Variants in NOC3L observed in about 807,000 individuals in gnomAD.
The protein encoded by NOC3L is NOC3 like DNA replication regulator, also known as nucleolar complex protein 3 homolog.
A neutral mutation model predicts 102.5 loss-of-function variants in NOC3L; 85 were observed. The ratio of observed to expected loss-of-function variants is 0.83; its 90% CI spans 0.70 to 0.99. The LOEUF (loss-of-function observed/expected upper bound fraction) is 0.99, where lower values mean the gene tolerates loss of function less well. NOC3L is among the 50% of genes least tolerant of loss of function. NOC3L has a pLI of 0.00. For synonymous variants in NOC3L, 303 were observed against 309.4 expected, an observed-to-expected ratio of 0.98 and a Z score of 0.22; for missense variants, 878 against 914.9, an observed-to-expected ratio of 0.96 and a Z score of 0.52.
intron 11 of NOC3L, among the ~76,000 whole-genome samples, chr10:94,345,449 C>T (rs994912881): frequency 1.3e-5 from 2 of 151,788 alleles, no homozygotes; most frequent in Admixed American, 6.6e-5. Context: ...ATAAAATATC[C>T]TTTTTTTTCT....
chr10:94,356,630 C>A, intron 4 of NOC3L, 39 bp from the exon 5 acceptor site: 1 of 1,198,544 alleles, frequency 8.3e-7, no homozygotes, highest in Non-Finnish European at 1.2e-6. Context: ...GTGATATATA[C>A]TTAAGTGGTA....
At chr10:94,349,169 A>G (rs1354679685) in intron 10 of NOC3L, 81 bp downstream of exon 10, 4 of 1,445,782 alleles carry the variant, frequency 2.8e-6, no homozygotes, top group African/African-American at 2.9e-5. Context: ...ATACACTTAT[A>G]AGGAATAAAT....
chr10:94,318,750 C>T, the NOC3L span, among the ~76,000 whole-genome samples: 1 of 152,080 alleles, frequency 6.6e-6, no homozygotes, highest in Non-Finnish European at 1.5e-5. Flanking sequence ...GAGGGACACC[C>T]AAATGCAATT....
intron 8 of NOC3L, among the ~76,000 whole-genome samples, chr10:94,351,691 A>T (rs1589574221): frequency 7.1e-6 from 1 of 139,996 alleles, no homozygotes. Flanking sequence ...ATCATGCCTA[A>T]TTTTTTTTTT....
chr10:94,323,683 G>C, the NOC3L span, among the ~76,000 whole-genome samples: 3 of 152,152 alleles, frequency 2.0e-5, no homozygotes, highest in Non-Finnish European at 2.9e-5. Context: ...TGTTCTTACT[G>C]TATGATAACT....
At chr10:94,349,549 C>G (rs2054389839) in intron 9 of NOC3L, among the ~76,000 whole-genome samples, 171 bp from the exon 10 acceptor site, 1 of 152,124 alleles carries the variant, frequency 6.6e-6, no homozygotes, top group Non-Finnish European at 1.5e-5. Context: ...CCACAGTCAT[C>G]ACAATCAAAA....
chr10:94,340,030 T>A, intron 16 of NOC3L, 110 bp from the exon 17 acceptor site: 1 of 958,074 alleles, frequency 1.0e-6, no homozygotes, highest in Non-Finnish European at 1.6e-6. Context: ...TCCCAAACCA[T>A]TTCTCTAATC....
At chr10:94,360,292 G>C (rs1265869238) in intron 2 of NOC3L, among the ~76,000 whole-genome samples, 3 of 151,992 alleles carry the variant, frequency 2.0e-5, no homozygotes, top group Non-Finnish European at 2.9e-5. Flanking sequence ...CTCCAGCCTG[G>C]CAACAGAGAG....
chr10:94,330,287 T>A (rs1275013959), downstream of NOC3L: 1 of 152,218 alleles, frequency 6.6e-6, no homozygotes, highest in Admixed American at 6.5e-5. Flanking sequence ...ACTGCCTAGG[T>A]TGCATCCCAA....
chr10:94,347,602 T>C (rs2054360414), intron 10 of NOC3L, among the ~76,000 whole-genome samples: 2 of 151,824 alleles, frequency 1.3e-5, no homozygotes, highest in Admixed American at 6.6e-5. Flanking sequence ...TTTAAGAAAA[T>C]AAAAAGGAAT....
At chr10:94,344,328 T>C (rs1016099802) in intron 13 of NOC3L, 87 bp downstream of exon 13, 28 of 738,666 alleles carry the variant, frequency 3.8e-5, no homozygotes, top group East Asian at 1.3e-4. Flanking sequence ...CTGAGGATAA[T>C]GGGCCATCAT....
intron 2 of NOC3L, 25 bp from the exon 3 acceptor site, chr10:94,358,240 A>C (rs758491319): frequency 9.0e-6 from 10 of 1,108,752 alleles, no homozygotes; most frequent in East Asian, 7.1e-5. Context: ...CACACACACA[A>C]AGAAAAATTA....
At position 94,346,552 on chromosome 10, in the gene NOC3L, A is replaced by T; in HGVS notation, c.1262T>A (p.Leu421Ter). 7.3e-7 allele frequency: 1 copy of T among 1,376,976 alleles called. No homozygotes were observed. The highest frequency in any genetic ancestry group is 9.7e-7 in the Non-Finnish European group (1 of 1,027,630). The allele number at this position is 1,376,976 out of a possible 1,614,324, so 85.3% of individuals were successfully genotyped here. A position where few individuals can be genotyped will look rare whatever the true frequency, so the allele number is the denominator to read the frequency against. ...GATTCTTAGGCATAAAAATGTTTTT[A>T]ACATCTAATATTGGAAAAAAAACAC... is the stretch of plus-strand genomic sequence containing the variant. ...GRNYEVRPEM[L>*]KTFLCLRIKE... Residue 421 changes from leucine (L) to a stop codon, truncating the protein, a stop_gained, in exon 11 of 21, where the codon TTA becomes TAA. Coordinates refer to ENST00000371361, the MANE Select transcript of NOC3L (RefSeq NM_022451.11). LOFTEE classifies it high-confidence loss of function.
chr10:94,339,617 G>T, intron 17 of NOC3L, 122 bp downstream of exon 17: 5 of 804,980 alleles, frequency 6.2e-6, no homozygotes, highest in South Asian at 4.1e-5. Flanking sequence ...ACCTGATTTT[G>T]TTACAAGTGT....
Position 94,352,323 on chromosome 10 carries a change from T to C in NOC3L, c.939A>G (p.Glu313=). 2 of 1,604,282 alleles carry C rather than the reference T, an allele frequency of 1.2e-6. No homozygotes were observed. Among genetic ancestry groups the C allele is most frequent in the Non-Finnish European group, 1.7e-6 (2 of 1,171,726 alleles). ...TGTTTAATATACCTTTAACCATTTGTTCCAGATTTTCCAAATAAAACTTGT... is the reference window on the plus strand; with the variant it reads ...TGTTTAATATACCTTTAACCATTTGCTCCAGATTTTCCAAATAAAACTTGT... ...SQYKFYLENL[E]QMVKDWKQRK... The change falls in exon 8 of 21, where the codon GAA becomes GAG. Residue 313 remains glutamate, a synonymous_variant. Transcript: ENST00000371361.
chr10:94,326,317 AT>A, the NOC3L span, among the ~76,000 whole-genome samples: 1 of 152,188 alleles, frequency 6.6e-6, no homozygotes, highest in Admixed American at 6.5e-5. Flanking sequence ...CCAGAGCCAA[AT>A]TTTACTTAAA....
chr10:94,329,281 A>G (rs1025796232), downstream of NOC3L: 1 of 152,216 alleles, frequency 6.6e-6, no homozygotes, highest in African/African-American at 2.4e-5. Flanking sequence ...GAAGCAAATT[A>G]TGAATTTTAA....
At chr10:94,340,251 A>G (rs1328468700) in intron 16 of NOC3L, 25 bp downstream of exon 16, 3 of 1,565,302 alleles carry the variant, frequency 1.9e-6, no homozygotes, top group Non-Finnish European at 2.6e-6. Flanking sequence ...TACATATAAA[A>G]GAAACATTAT....
At chr10:94,319,464 A>G in the NOC3L span, among the ~76,000 whole-genome samples, 1 of 152,306 alleles carries the variant, frequency 6.6e-6, no homozygotes, top group Admixed American at 6.5e-5. Context: ...AAAATTCTTC[A>G]GTTGCTCTCT....
Sources: allele counts gnomAD v4.1 joint callset (sites outside exome capture counted in the v4.1 genomes callset), GRCh38; gene constraint gnomAD v4.1.1; transcripts MANE v1.5; gene names NCBI Gene and HGNC (gene_info 2026-07-23, HGNC 2026-07-21).